BICDL2: variants seen among roughly 807,000 people sequenced by gnomAD.
The protein encoded by BICDL2 is BICD family-like cargo adapter 2.
BICDL2 carries 62 observed loss-of-function variants against 56.6 expected under a neutral mutation model. The observed-to-expected ratio is 1.10, with a 90% confidence interval of 0.89 to 1.35. The LOEUF is 1.35. Among genes scored for constraint, BICDL2 ranks in the 40% most tolerant of loss-of-function variants. The probability of loss-of-function intolerance (pLI) is 0.00; values close to 1 mark genes in which losing one functional copy is unlikely to be tolerated. For missense variants in BICDL2, 808 were observed against 684.5 expected (o/e 1.18, Z -2.01); for synonymous variants, 358 against 319.8 (o/e 1.12, Z -1.27).
chr16:3,028,620 T>C, intron 8 of BICDL2, 80 bp downstream of exon 8: 1 of 1,342,984 alleles, frequency 7.4e-7, no homozygotes, highest in Admixed American at 2.6e-5. Context: ...GGGATCATTA[T>C]AACCCGTATC....
chr16:3,031,083 C>G lies in BICDL2; in HGVS notation c.350G>C (p.Arg117Pro). 1 of 1,536,822 alleles carries G rather than the reference C, an allele frequency of 6.5e-7. No homozygotes were observed. The highest frequency in any genetic ancestry group is 2.4e-5 in the East Asian group (1 of 40,900). The change falls in exon 3 of 10, where the codon CGG becomes CCG. Residue 117 changes from arginine (R) to proline (P), a missense_variant. Arg to Pro is a moderately radical substitution (Grantham distance 103, BLOSUM62 -2). Transcript: ENST00000572449. ...CACGTCCCCCTCCAGCTCCACGGCC[C>G]GGGCCTCCCACTCGGCTCCTCGGGC... ...LAARGAEWEA[R>P]AVELEGDVEA... is the part of the protein sequence containing the mutation.
chr16:3,035,302 C>T lies in BICDL2; in HGVS notation c.195G>A (p.Ala65=), dbSNP rs762955626. Reference sequence around the variant, plus strand: ...GCTCCAGAAGCATCTTGCCGAGCTCCGCGGCCAACAGCAGGTCTTTCTCCT... The same window carrying T: ...GCTCCAGAAGCATCTTGCCGAGCTCTGCGGCCAACAGCAGGTCTTTCTCCT... ...QQKEKDLLLA[A]ELGKMLLERN... is the part of the protein sequence containing the mutation. Residue 65 remains alanine, a synonymous_variant, in exon 2 of 10, where the codon GCG becomes GCA. Coordinates refer to ENST00000572449, the MANE Select transcript of BICDL2 (RefSeq NM_001369667.1). 3.5e-5 allele frequency: 54 copies of T among 1,564,460 alleles called. No homozygotes were observed. Among genetic ancestry groups the T allele is most frequent in the Non-Finnish European group, 4.3e-5 (50 of 1,154,906 alleles).
chr16:3,029,691 T>C lies in BICDL2; in HGVS notation c.811A>G (p.Arg271Gly), dbSNP rs537975527. The change falls in exon 6 of 10, where the codon AGG becomes GGG. Residue 271 changes from arginine to glycine, a missense_variant. Physicochemically the swap from Arg to Gly is moderately radical, Grantham distance 125. Transcript: ENST00000572449. ...EAGEALSALR[R>G]LQRRVSELEE... ...AGCTCGGAGACGCGCCGCTGCAGCCTCCGCAGCGCACTCAGCGCCTCCCCA... is the reference window on the plus strand; with the variant it reads ...AGCTCGGAGACGCGCCGCTGCAGCCCCCGCAGCGCACTCAGCGCCTCCCCA... 7 of 1,540,874 alleles carry C rather than the reference T, an allele frequency of 4.5e-6. No individual in the cohort carries two copies. In the Admixed American group the frequency reaches 5.9e-5, roughly 13 times the overall value.
chr16:3,030,299 G>T, intron 5 of BICDL2, 150 bp downstream of exon 5: 1 of 957,542 alleles, frequency 1.0e-6, no homozygotes, highest in Non-Finnish European at 1.5e-6. Flanking sequence ...AGCCTTCCGT[G>T]GCTCCCATTT....
chr16:3,028,734 T>G lies in BICDL2; in HGVS notation c.1204A>C (p.Ser402Arg), dbSNP rs1302914604. ...AQEDPGEALH[S>R]ALSDRDEAVN... is the part of the protein sequence containing the mutation. ...GCCTCGTCCCGGTCTGAGAGGGCAC[T>G]GTGCAGGGCCTCCCCAGGGTCTTCC... The change falls in exon 8 of 10, where the codon AGT becomes CGT. Residue 402 changes from serine to arginine, a missense_variant. Physicochemically the swap from Ser to Arg is moderately radical, Grantham distance 110. Transcript: ENST00000572449. The G allele has an allele frequency of 1.3e-6, 2 of 1,566,688 alleles. No homozygotes were observed. Among genetic ancestry groups the G allele is most frequent in the Non-Finnish European group, 1.7e-6 (2 of 1,155,890 alleles).
At chr16:3,033,652 A>G (rs965728970) in intron 2 of BICDL2, among the ~76,000 whole-genome samples, 1 of 152,042 alleles carries the variant, frequency 6.6e-6, no homozygotes, top group African/African-American at 2.4e-5. Context: ...ATGGTGGTGC[A>G]TGTGTGCCTG....
At chr16:3,034,799 A>G (rs1955707659) in intron 2 of BICDL2, 7 of 169,342 alleles carry the variant, frequency 4.1e-5, no homozygotes, top group Admixed American at 3.4e-4. Flanking sequence ...TCAAACTCTA[A>G]AATTCCTGGG....
At position 3,028,707 on chromosome 16, in the gene BICDL2, C is replaced by A. The variant is rs1032974828; in HGVS notation, c.1231G>T (p.Val411Leu). ...HSALSDRDEA[V>L]NKALELSLQL... ...CAATGGCTTGAGGCTTACTTGTTCA[C>A]GGCCTCGTCCCGGTCTGAGAGGGCA... is the stretch of plus-strand genomic sequence containing the variant. The change falls in exon 8 of 10, where the codon GTG becomes TTG. Residue 411 changes from valine (V) to leucine (L), a missense_variant. Transcript: ENST00000572449. The A allele has an allele frequency of 6.4e-7, 1 of 1,568,788 alleles. No homozygotes were observed. The highest frequency in any genetic ancestry group is 8.6e-7 in the Non-Finnish European group (1 of 1,157,018).
rs919369338 is a variant in BICDL2 at position 3,035,090 on chromosome 16, C to A, written c.282+125G>T. The stretch of plus-strand genomic sequence containing the variant: ...CTCTGACCTGTTCCAAAGTGCCCCC[C>A]TCGCCCGGCTGTCCTCCCCAGCTCC... On this transcript the variant is annotated intron_variant, in intron 2 of 9. Transcript: ENST00000572449. 9.9e-6 allele frequency: 10 copies of A among 1,012,322 alleles called. No homozygotes were observed. The African/African-American group carries it at 1.3e-4, about 13-fold the overall frequency. The allele number at this position is 1,012,322 out of a possible 1,614,324, so 62.7% of individuals were successfully genotyped here.
Position 3,029,599 on chromosome 16 carries a change from G to T in BICDL2, c.903C>A (p.His301Gln). Residue 301 changes from histidine (H) to glutamine (Q), a missense_variant, in exon 6 of 10, where the codon CAC (histidine) becomes CAA (glutamine). Physicochemically the swap from His to Gln is conservative, Grantham distance 24. Coordinates refer to ENST00000572449, the MANE Select transcript of BICDL2 (RefSeq NM_001369667.1). The stretch of plus-strand genomic sequence containing the variant: ...GGCCCTGGTCGCCGTCGTCGAGGCT[G>T]TGGGCCAGTTCTGACTGCAACGAGG... ...SAASLQSELA[H>Q]SLDDGDQGQG... is the part of the protein sequence containing the mutation. The T allele has an allele frequency of 6.5e-7, 1 of 1,543,406 alleles. No individual in the cohort carries two copies.
chr16:3,029,592 C>T lies in BICDL2; in HGVS notation c.910G>A (p.Asp304Asn), dbSNP rs781434469. 1 of 1,543,608 alleles carries T rather than the reference C, an allele frequency of 6.5e-7. No individual in the cohort carries two copies. Among genetic ancestry groups the T allele is most frequent in the South Asian group, 1.2e-5 (1 of 84,394 alleles). ...SLQSELAHSLDDGDQGQGADA... is the reference protein window; with the variant it reads ...SLQSELAHSLNDGDQGQGADA... The stretch of plus-strand genomic sequence containing the variant: ...GCGCCCTGGCCCTGGTCGCCGTCGT[C>T]GAGGCTGTGGGCCAGTTCTGACTGC... Residue 304 changes from aspartate to asparagine, a missense_variant, in exon 6 of 10, where the codon GAC becomes AAC. Coordinates refer to ENST00000572449, the MANE Select transcript of BICDL2 (RefSeq NM_001369667.1).
chr16:3,031,773 A>G (rs1452138947), intron 2 of BICDL2: 1 of 379,540 alleles, frequency 2.6e-6, no homozygotes, highest in African/African-American at 2.1e-5. Flanking sequence ...TGCTGCAGCG[A>G]CTCGCAGGTA....
At position 3,028,797 on chromosome 16, in the gene BICDL2, G is replaced by T. The variant is rs868651357; in HGVS notation, c.1141C>A (p.Arg381=). 4 of 1,554,766 alleles carry T rather than the reference G, an allele frequency of 2.6e-6. No individual in the cohort carries two copies. The highest frequency in any genetic ancestry group is 4.8e-5 in the East Asian group (2 of 41,396). ...TCCTTCTGCCTCTGCAGCTCTTCCC[G>T]CAGGGACTGCAGCTCTGCCTGCTGC... ...SLQQAELQSL[R]EELQRQKELR... The change falls in exon 8 of 10, where the codon CGG becomes AGG. Residue 381 remains arginine, a synonymous_variant. Transcript: ENST00000572449.
In BICDL2 at chr16:3,029,737, C is replaced by T. The variant is rs1276526862; in HGVS notation, c.765G>A (p.Leu255=). ...CCCCAGCCTCTGACCGTGCGCGTTC[C>T]AGCTGTGGACGGTCCCGCAGACGGA... is the stretch of plus-strand genomic sequence containing the variant. ...RRERREHSLE[L]ERARSEAGEA... The change falls in exon 6 of 10, where the codon CTG becomes CTA. Residue 255 remains leucine, a splice_region_variant and synonymous_variant. Transcript: ENST00000572449. 3.3e-6 allele frequency: 5 copies of T among 1,493,358 alleles called. No individual in the cohort carries two copies. In the Admixed American group the frequency reaches 1.2e-4, roughly 37 times the overall value. 92.5% of individuals were successfully genotyped at this position (1,493,358 alleles called of 1,614,324 possible). A position where few individuals can be genotyped will look rare whatever the true frequency, so the allele number is the denominator to read the frequency against.
chr16:3,030,136 G>A (rs1955630775), intron 5 of BICDL2: 3 of 476,732 alleles, frequency 6.3e-6, no homozygotes, highest in South Asian at 3.3e-5. Context: ...ATCAGACACC[G>A]CATCCTCTTT....
intron 1 of BICDL2, 37 bp from the exon 2 acceptor site, chr16:3,035,563 C>T: frequency 6.6e-7 from 1 of 1,517,012 alleles, no homozygotes; most frequent in Non-Finnish European, 8.8e-7. Context: ...GACAGGGGCT[C>T]ACCCTCCGCC....
chr16:3,031,387 G>T, intron 2 of BICDL2: 1 of 574,454 alleles, frequency 1.7e-6, no homozygotes, highest in Non-Finnish European at 3.1e-6. Context: ...GTTGGGGTGG[G>T]GGGATCTCTG....
At position 3,035,356 on chromosome 16, in the gene BICDL2, G is replaced by A. The variant is rs183014367; in HGVS notation, c.141C>T (p.Pro47=). The change falls in exon 2 of 10, where the codon CCC becomes CCT. Residue 47 remains proline, a synonymous_variant. Transcript: ENST00000572449. ...GCTGCAGCTGCAAGGCTAGGTCCTC[G>A]GGCTCCTCAGGCCCTGGGCCCCCTC... ...FLGGGPGPEE[P]EDLALQLQQK... The A allele has an allele frequency of 7.7e-3, 12,335 of 1,603,448 alleles. 59 individuals are homozygous for A. Among genetic ancestry groups the A allele is most frequent in the Middle Eastern group, 0.017 (104 of 6,048 alleles).
chr16:3,034,028 A>G (rs12448662), intron 2 of BICDL2, among the ~76,000 whole-genome samples: 33,219 of 151,978 alleles, frequency 0.22, 3,985 homozygotes, highest in Admixed American at 0.29. Context: ...TGTTCAGGAG[A>G]CCAGATGTGA....
Sources: gnomAD v4.1 joint callset for allele counts (sites outside exome capture counted in the v4.1 genomes callset) on GRCh38, gnomAD v4.1.1 for gene constraint, MANE v1.5 for transcripts, NCBI Gene and HGNC (gene_info 2026-07-23, HGNC 2026-07-21) for gene names.